AUTS2: variants seen among roughly 807,000 people sequenced by gnomAD.
AUTS2 encodes activator of transcription and developmental regulator AUTS2, also known as autism susceptibility gene 2 protein.
AUTS2 carries 17 observed loss-of-function variants against 112.4 expected under a neutral mutation model. The observed-to-expected ratio is 0.15, with a 90% CI of 0.10 to 0.23. The LOEUF (loss-of-function observed/expected upper bound fraction) is 0.23. AUTS2 is among the 10% of genes least tolerant of loss of function. The probability of loss-of-function intolerance (pLI) is 1.00; values close to 1 mark genes in which losing one functional copy is unlikely to be tolerated. For missense variants in AUTS2, 1,510 were observed against 1,701.6 expected (o/e 0.89, Z 1.98); for synonymous variants, 751 against 702.7 (o/e 1.07, Z -1.09).
intron 5 of AUTS2, among the ~76,000 whole-genome samples, chr7:70,591,500 C>T (rs1254117241): frequency 6.6e-6 from 1 of 152,166 alleles, no homozygotes; most frequent in South Asian, 2.1e-4. Flanking sequence ...CAGGTTCAAG[C>T]GGTTCTTCTG....
intron 4 of AUTS2, among the ~76,000 whole-genome samples, chr7:70,174,803 A>G (rs77872938): frequency 0.069 from 10,579 of 152,270 alleles, 514 homozygotes; most frequent in Non-Finnish European, 0.11. Context: ...CTTGGAAAAA[A>G]AGATTCCTTT....
chr7:70,466,731 G>A (rs1184582707), intron 5 of AUTS2, among the ~76,000 whole-genome samples: 1 of 152,198 alleles, frequency 6.6e-6, no homozygotes, highest in African/African-American at 2.4e-5. Flanking sequence ...AAAACATTAA[G>A]TAACAGATTG....
At chr7:70,743,339 C>T (rs1788231238) in intron 6 of AUTS2, among the ~76,000 whole-genome samples, 1 of 151,950 alleles carries the variant, frequency 6.6e-6, no homozygotes. Flanking sequence ...CGTGGTGACA[C>T]GCACCTGTAG....
intron 2 of AUTS2, among the ~76,000 whole-genome samples, chr7:69,993,030 G>A (rs1798802698): frequency 6.6e-6 from 1 of 152,194 alleles, no homozygotes. Context: ...AGAGCTTAGG[G>A]GTAAAAGGCT....
chr7:70,734,102 G>C (rs532075224), intron 6 of AUTS2, among the ~76,000 whole-genome samples: 8 of 151,972 alleles, frequency 5.3e-5, no homozygotes, highest in African/African-American at 1.7e-4. Context: ...CCGACAGCCC[G>C]CTGCATGCGC....
At chr7:69,896,657 G>A in intron 1 of AUTS2, among the ~76,000 whole-genome samples, 1 of 152,066 alleles carries the variant, frequency 6.6e-6, no homozygotes, top group Admixed American at 6.6e-5. Context: ...TTAACTAGTT[G>A]ACTCCTTTAT....
chr7:69,933,196 A>C (rs1456374153), intron 2 of AUTS2, among the ~76,000 whole-genome samples: 2 of 152,228 alleles, frequency 1.3e-5, no homozygotes, highest in African/African-American at 2.4e-5. Flanking sequence ...CTGTTACATA[A>C]GTAATGGCTC....
intron 5 of AUTS2, among the ~76,000 whole-genome samples, chr7:70,605,968 G>A (rs1217397809): frequency 6.6e-6 from 1 of 152,206 alleles, no homozygotes; most frequent in Non-Finnish European, 1.5e-5. Flanking sequence ...ACTCACAGCA[G>A]GTCATTTCAG....
intron 4 of AUTS2, among the ~76,000 whole-genome samples, chr7:70,182,298 A>G (rs773477707): frequency 6.6e-6 from 1 of 152,158 alleles, no homozygotes; most frequent in Non-Finnish European, 1.5e-5. Flanking sequence ...CATGCCTCTC[A>G]GTGATATTTC....
chr7:70,498,265 A>AT (rs1314949871), intron 5 of AUTS2, among the ~76,000 whole-genome samples: 1 of 152,138 alleles, frequency 6.6e-6, no homozygotes, highest in African/African-American at 2.4e-5. Flanking sequence ...GTGTGTGTGT[A>AT]TTTGAAAACT....
chr7:70,253,264 A>T (rs1054757866), intron 4 of AUTS2, among the ~76,000 whole-genome samples: 14 of 152,140 alleles, frequency 9.2e-5, no homozygotes, highest in African/African-American at 2.9e-4. Flanking sequence ...GAAAAAAGAA[A>T]TTTTTTGAAT....
chr7:70,318,219 A>G (rs1210420429), intron 4 of AUTS2, among the ~76,000 whole-genome samples: 1 of 152,102 alleles, frequency 6.6e-6, no homozygotes, highest in Non-Finnish European at 1.5e-5. Flanking sequence ...GGGGGATGCC[A>G]TAAGAAAATG....
intron 5 of AUTS2, among the ~76,000 whole-genome samples, chr7:70,494,459 G>A (rs1245096313): frequency 6.6e-6 from 1 of 152,170 alleles, no homozygotes; most frequent in Non-Finnish European, 1.5e-5. Context: ...ATGCCAGAAT[G>A]TAAGTGCTTT....
At chr7:69,934,194 A>G (rs1414671159) in intron 2 of AUTS2, among the ~76,000 whole-genome samples, 1 of 152,176 alleles carries the variant, frequency 6.6e-6, no homozygotes, top group Non-Finnish European at 1.5e-5. Flanking sequence ...TCTATGTTGA[A>G]AGGAACTCTA....
chr7:69,658,074 A>T (rs1795625209), intron 1 of AUTS2, among the ~76,000 whole-genome samples: 1 of 152,258 alleles, frequency 6.6e-6, no homozygotes, highest in South Asian at 2.1e-4. Context: ...CGTGAAAATT[A>T]TGTGGAATTT....
chr7:70,145,142 G>A (rs1807064159), intron 4 of AUTS2, among the ~76,000 whole-genome samples: 1 of 152,018 alleles, frequency 6.6e-6, no homozygotes, highest in Non-Finnish European at 1.5e-5. Context: ...CGCTGGCTGA[G>A]TATTACAAGT....
At chr7:69,924,089 T>C (rs1795916027) in intron 2 of AUTS2, among the ~76,000 whole-genome samples, 1 of 152,220 alleles carries the variant, frequency 6.6e-6, no homozygotes, top group African/African-American at 2.4e-5. Flanking sequence ...TTTTTCATAG[T>C]GCCCTTTATT....
At chr7:70,638,401 A>G (rs924090264) in intron 5 of AUTS2, among the ~76,000 whole-genome samples, 17 of 152,188 alleles carry the variant, frequency 1.1e-4, no homozygotes, top group Non-Finnish European at 2.1e-4. Context: ...TAAACTTGAG[A>G]GCAACTCTGC....
At chr7:70,019,809 C>A (rs1800193497) in intron 2 of AUTS2, among the ~76,000 whole-genome samples, 1 of 152,108 alleles carries the variant, frequency 6.6e-6, no homozygotes, top group African/African-American at 2.4e-5. Context: ...TTGATTTCTT[C>A]TTAATTTAAA....
Sources: allele counts gnomAD v4.1 joint callset (sites outside exome capture counted in the v4.1 genomes callset), GRCh38; gene constraint gnomAD v4.1.1; transcripts MANE v1.5; gene names NCBI Gene and HGNC (gene_info 2026-07-23, HGNC 2026-07-21).